FNBP1L: variants seen among roughly 807,000 people sequenced by gnomAD.
FNBP1L encodes the protein formin binding protein 1 like.
FNBP1L carries 36 observed loss-of-function variants against 91.2 expected under a neutral mutation model. The observed-to-expected ratio is 0.39, with a 90% confidence interval of 0.30 to 0.52. FNBP1L has a LOEUF of 0.52. Ranked by LOEUF, FNBP1L falls within the 20% of genes least tolerant of loss-of-function variation. The pLI, the probability that FNBP1L is intolerant of heterozygous loss-of-function variation, is 0.66. For missense variants in FNBP1L, 571 were observed against 732.1 expected, an observed-to-expected ratio of 0.78 and a Z score of 2.54; for synonymous variants, 242 against 237.0, an observed-to-expected ratio of 1.02 and a Z score of -0.19.
At chr1:93,479,779 G>C (rs1478835990) in intron 1 of FNBP1L, among the ~76,000 whole-genome samples, 3 of 152,156 alleles carry the variant, frequency 2.0e-5, no homozygotes, top group Non-Finnish European at 2.9e-5. Flanking sequence ...GTCTTCCCTT[G>C]TTCCCTGAAA....
intron 4 of FNBP1L, 137 bp from the exon 5 acceptor site, chr1:93,524,124 A>G: frequency 1.7e-6 from 1 of 598,524 alleles, no homozygotes; most frequent in Non-Finnish European, 2.6e-6. Context: ...GTAAAGTTAT[A>G]TAATTAGTAC....
intron 1 of FNBP1L, among the ~76,000 whole-genome samples, chr1:93,459,254 ACT>A (rs1668778500): frequency 6.6e-6 from 1 of 151,976 alleles, no homozygotes; most frequent in Admixed American, 6.6e-5. Context: ...AGTGAGAGAG[ACT>A]CTGTCTCACA....
At chr1:93,534,271 A>G (rs1278214280) in intron 8 of FNBP1L, among the ~76,000 whole-genome samples, 1 of 152,032 alleles carries the variant, frequency 6.6e-6, no homozygotes, top group Non-Finnish European at 1.5e-5. Context: ...TTACAATTAG[A>G]TGTTCTTTCC....
intron 2 of FNBP1L, among the ~76,000 whole-genome samples, chr1:93,502,643 A>C (rs1411637505): frequency 2.0e-5 from 3 of 152,202 alleles, no homozygotes; most frequent in Admixed American, 1.3e-4. Context: ...CCACAACTTC[A>C]TGATATGAAA....
At chr1:93,513,859 C>G (rs1347666854) in intron 2 of FNBP1L, among the ~76,000 whole-genome samples, 1 of 152,140 alleles carries the variant, frequency 6.6e-6, no homozygotes, top group Non-Finnish European at 1.5e-5. Context: ...AAAACTGGCA[C>G]AAGACAGGGA....
intron 1 of FNBP1L, among the ~76,000 whole-genome samples, chr1:93,489,454 T>C (rs1470373891): frequency 1.3e-5 from 2 of 152,000 alleles, no homozygotes; most frequent in Non-Finnish European, 2.9e-5. Flanking sequence ...AGAAACAAGA[T>C]TGACATTCTT....
At chr1:93,519,029 C>G (rs886301203) in intron 2 of FNBP1L, among the ~76,000 whole-genome samples, 2 of 152,154 alleles carry the variant, frequency 1.3e-5, no homozygotes, top group Non-Finnish European at 2.9e-5. Context: ...AACCATGACT[C>G]GTCCCATTCT....
At chr1:93,535,113 G>A (rs1436737161) in intron 9 of FNBP1L, among the ~76,000 whole-genome samples, 1 of 151,946 alleles carries the variant, frequency 6.6e-6, no homozygotes, top group African/African-American at 2.4e-5. Context: ...CTTAATAATG[G>A]GTAAGAGTAT....
chr1:93,475,403 G>A (rs957632160), intron 1 of FNBP1L, among the ~76,000 whole-genome samples: 2 of 152,088 alleles, frequency 1.3e-5, no homozygotes, highest in African/African-American at 4.8e-5. Flanking sequence ...ATTAGGCAGG[G>A]TGGTGCGTGC....
chr1:93,494,700 G>T (rs1271659311), intron 1 of FNBP1L, among the ~76,000 whole-genome samples: 1 of 152,188 alleles, frequency 6.6e-6, no homozygotes, highest in Non-Finnish European at 1.5e-5. Flanking sequence ...TTATTATGTA[G>T]CTGTATTAGT....
chr1:93,542,021 A>G (rs1672062841), intron 11 of FNBP1L, among the ~76,000 whole-genome samples: 1 of 152,162 alleles, frequency 6.6e-6, no homozygotes, highest in Admixed American at 6.5e-5. Context: ...ACTCCACAGT[A>G]TGTTGAAATG....
In FNBP1L at chr1:93,531,887, A is replaced by G. The variant is rs1412752210; in HGVS notation, c.639+1004A>G. 3.3e-5 allele frequency among the ~76,000 whole-genome samples: 5 copies of G among 152,276 alleles called. No homozygotes were observed. The South Asian group carries it at 6.2e-4, about 19-fold the overall frequency. On this transcript the variant is annotated intron_variant, in intron 7 of 16. Transcript: ENST00000271234. ...AAGGAGTGTAACTGCTGTCAATGAAACAGCAAGGTCAGTGCTGGCAAATAG... is the reference window on the plus strand; with the variant it reads ...AAGGAGTGTAACTGCTGTCAATGAAGCAGCAAGGTCAGTGCTGGCAAATAG...
chr1:93,514,833 A>G (rs1281433231), intron 2 of FNBP1L, among the ~76,000 whole-genome samples: 5 of 152,062 alleles, frequency 3.3e-5, no homozygotes, highest in South Asian at 2.1e-4. Flanking sequence ...AAACCTAGGC[A>G]TTACCATTCA....
chr1:93,497,916 G>A (rs1387568672), intron 1 of FNBP1L, among the ~76,000 whole-genome samples: 4 of 151,786 alleles, frequency 2.6e-5, no homozygotes, highest in African/African-American at 4.8e-5. Flanking sequence ...CACTGCGCCC[G>A]GCCATAATAT....
chr1:93,549,718 C>G (rs1279514511), intron 15 of FNBP1L, among the ~76,000 whole-genome samples: 1 of 152,200 alleles, frequency 6.6e-6, no homozygotes, highest in Non-Finnish European at 1.5e-5. Context: ...TTACTGTGCA[C>G]ATGTCCTAAA....
intron 1 of FNBP1L, among the ~76,000 whole-genome samples, chr1:93,490,953 T>A (rs1670071663): frequency 6.6e-6 from 1 of 152,180 alleles, no homozygotes; most frequent in Non-Finnish European, 1.5e-5. Context: ...ACTTAATTAT[T>A]TTTAAGAGAT....
At chr1:93,458,389 C>CA (rs1336842160) in intron 1 of FNBP1L, among the ~76,000 whole-genome samples, 4 of 152,122 alleles carry the variant, frequency 2.6e-5, no homozygotes, top group Admixed American at 6.5e-5. Flanking sequence ...CCCAGCCTCT[C>CA]AAAGTGTTGG....
intron 2 of FNBP1L, among the ~76,000 whole-genome samples, 154 bp from the exon 3 acceptor site, chr1:93,521,928 C>T (rs1247650200): frequency 6.6e-6 from 1 of 152,100 alleles, no homozygotes. Context: ...GTAATGATTA[C>T]ATATTATGAT....
At chr1:93,546,388 G>T (rs899510920) in intron 12 of FNBP1L, among the ~76,000 whole-genome samples, 3 of 152,036 alleles carry the variant, frequency 2.0e-5, no homozygotes, top group Admixed American at 2.0e-4. Flanking sequence ...ACTTTGGGTG[G>T]GGGCAAGTTA....
Sources: allele counts gnomAD v4.1 joint callset (sites outside exome capture counted in the v4.1 genomes callset), GRCh38; gene constraint gnomAD v4.1.1; transcripts MANE v1.5; gene names NCBI Gene and HGNC (gene_info 2026-07-23, HGNC 2026-07-21).